TMEM117: variants seen among roughly 807,000 people sequenced by gnomAD.
The protein encoded by TMEM117 is transmembrane protein 117.
Under a neutral mutation model 52.4 loss-of-function variants are expected in TMEM117, and 27 were observed. The observed-to-expected ratio is 0.51, with a 90% CI of 0.38 to 0.71. The LOEUF is 0.71. Among genes scored for constraint, TMEM117 ranks in the 30% least tolerant of loss-of-function variants. The pLI, the probability that TMEM117 is intolerant of heterozygous loss-of-function variation, is 0.00. For synonymous variants in TMEM117, 215 were observed against 206.3 expected, an observed-to-expected ratio of 1.04 and a Z score of -0.36; for missense variants, 556 against 630.5, an observed-to-expected ratio of 0.88 and a Z score of 1.26.
intron 4 of TMEM117, among the ~76,000 whole-genome samples, chr12:44,210,488 C>G (rs1949631160): frequency 6.6e-6 from 1 of 151,962 alleles, no homozygotes; most frequent in Non-Finnish European, 1.5e-5. Context: ...TCTTCTTGAA[C>G]AAATATTTTG....
chr12:44,261,594 TA>T (rs914576534), intron 5 of TMEM117, among the ~76,000 whole-genome samples: 26 of 152,228 alleles, frequency 1.7e-4, no homozygotes, highest in Non-Finnish European at 3.2e-4. Context: ...GAAGTCATAT[TA>T]AAAAAATAAA....
At chr12:43,922,534 A>G (rs1944712274) in intron 2 of TMEM117, among the ~76,000 whole-genome samples, 1 of 152,192 alleles carries the variant, frequency 6.6e-6, no homozygotes, top group African/African-American at 2.4e-5. Flanking sequence ...TTATGTTAGC[A>G]TGACTTAGCC....
At chr12:44,004,721 C>T (rs1204277954) in intron 3 of TMEM117, among the ~76,000 whole-genome samples, 1 of 152,114 alleles carries the variant, frequency 6.6e-6, no homozygotes, top group Non-Finnish European at 1.5e-5. Context: ...ATATTGTCTA[C>T]AAAAATTCCA....
chr12:44,024,228 A>G (rs1946497270), intron 3 of TMEM117, among the ~76,000 whole-genome samples: 2 of 152,344 alleles, frequency 1.3e-5, no homozygotes, highest in African/African-American at 4.8e-5. Flanking sequence ...AAATGTAGCT[A>G]AAATGAAGAC....
intron 5 of TMEM117, among the ~76,000 whole-genome samples, chr12:44,270,686 A>G (rs1045727131): frequency 1.3e-5 from 2 of 152,070 alleles, no homozygotes; most frequent in African/African-American, 4.8e-5. Context: ...CATCCTTGTC[A>G]TGTTCCAGTT....
At chr12:43,924,616 T>C (rs1366060005) in intron 2 of TMEM117, among the ~76,000 whole-genome samples, 1 of 152,220 alleles carries the variant, frequency 6.6e-6, no homozygotes, top group Non-Finnish European at 1.5e-5. Context: ...ATTTACCCTA[T>C]GAATATTGTA....
the TMEM117 span, among the ~76,000 whole-genome samples, chr12:43,821,972 C>T: frequency 6.6e-6 from 1 of 152,084 alleles, no homozygotes; most frequent in African/African-American, 2.4e-5. Flanking sequence ...TGGGTGTGAC[C>T]ATGTTGTTGT....
chr12:43,818,899 A>G, the TMEM117 span, among the ~76,000 whole-genome samples: 2 of 152,342 alleles, frequency 1.3e-5, no homozygotes, highest in South Asian at 2.1e-4. Context: ...ATTTCTTCCT[A>G]TAACTTTCTT....
At chr12:44,336,924 T>C (rs859016) in intron 6 of TMEM117, among the ~76,000 whole-genome samples, 4,742 of 152,080 alleles carry the variant, frequency 0.031, 232 homozygotes, top group African/African-American at 0.1. Flanking sequence ...TAATAATAAT[T>C]GATGCTGCTG....
intron 4 of TMEM117, among the ~76,000 whole-genome samples, chr12:44,181,336 A>G (rs1347423987): frequency 2.8e-4 from 43 of 152,166 alleles, no homozygotes; most frequent in African/African-American, 6.7e-4. Context: ...TTCTTTTGCT[A>G]TGCAGAAGCT....
intron 5 of TMEM117, among the ~76,000 whole-genome samples, chr12:44,266,606 C>T (rs1950381082): frequency 6.6e-6 from 1 of 152,016 alleles, no homozygotes; most frequent in Non-Finnish European, 1.5e-5. Flanking sequence ...CTTTGAAGCA[C>T]ATATGTTTTT....
intron 6 of TMEM117, among the ~76,000 whole-genome samples, chr12:44,361,083 A>G (rs549277282): frequency 1.3e-5 from 2 of 152,300 alleles, no homozygotes; most frequent in South Asian, 4.1e-4. Flanking sequence ...GTATTATAAG[A>G]AAGACATTTT....
At chr12:43,842,248 G>A (rs73096918) in intron 1 of TMEM117, among the ~76,000 whole-genome samples, 4,172 of 152,218 alleles carry the variant, frequency 0.027, 92 homozygotes, top group Non-Finnish European at 0.041. Context: ...AGTTTCTGCT[G>A]CTATAGCAGG....
At chr12:43,852,088 A>G (rs539256918) in intron 2 of TMEM117, among the ~76,000 whole-genome samples, 27 of 148,144 alleles carry the variant, frequency 1.8e-4, no homozygotes, top group African/African-American at 5.9e-4. Flanking sequence ...CACGAGGTCA[A>G]GAGATCAAGA....
At chr12:43,861,973 G>C (rs1943497799) in intron 2 of TMEM117, among the ~76,000 whole-genome samples, 1 of 152,154 alleles carries the variant, frequency 6.6e-6, no homozygotes, top group African/African-American at 2.4e-5. Flanking sequence ...GGTCAGAGCA[G>C]GGGTGATGTG....
chr12:43,933,054 A>G (rs1488849913), intron 2 of TMEM117, among the ~76,000 whole-genome samples: 1 of 152,170 alleles, frequency 6.6e-6, no homozygotes, highest in East Asian at 1.9e-4. Context: ...ACTATTCTTG[A>G]CAATTTAACT....
At chr12:44,029,609 C>T (rs1217517049) in intron 3 of TMEM117, among the ~76,000 whole-genome samples, 1 of 151,184 alleles carries the variant, frequency 6.6e-6, no homozygotes, top group Non-Finnish European at 1.5e-5. Flanking sequence ...GGCAATGCTC[C>T]TCTCTCTCTC....
intron 4 of TMEM117, among the ~76,000 whole-genome samples, chr12:44,194,115 C>T (rs1456587742): frequency 6.6e-6 from 1 of 152,090 alleles, no homozygotes; most frequent in African/African-American, 2.4e-5. Flanking sequence ...ACCCAAACAG[C>T]ACTTTTAGGA....
intron 2 of TMEM117, among the ~76,000 whole-genome samples, chr12:43,884,898 C>T (rs1352887208): frequency 1.3e-5 from 2 of 152,196 alleles, no homozygotes; most frequent in East Asian, 3.8e-4. Context: ...ACAGCACAAG[C>T]ACCATCCTAT....
Sources: allele counts gnomAD v4.1 joint callset (sites outside exome capture counted in the v4.1 genomes callset), GRCh38; gene constraint gnomAD v4.1.1; transcripts MANE v1.5; gene names NCBI Gene and HGNC (gene_info 2026-07-23, HGNC 2026-07-21).